Variants in CALN1 observed in about 807,000 individuals in gnomAD.
The protein encoded by CALN1 is calcium-binding protein 8.
Under a neutral mutation model 30.6 loss-of-function variants are expected in CALN1, and 17 were observed. That is an observed-to-expected ratio of 0.56 (90% CI 0.38 to 0.83). CALN1 has a LOEUF of 0.83. CALN1 is among the 40% of genes least tolerant of loss of function. The pLI is 0.00. For missense variants in CALN1, 291 were observed against 354.9 expected (o/e 0.82, Z 1.45); for synonymous variants, 156 against 131.4 (o/e 1.19, Z -1.28).
At chr7:72,058,351 A>G (rs1275245330) in intron 4 of CALN1, among the ~76,000 whole-genome samples, 1 of 111,084 alleles carries the variant, frequency 9.0e-6, no homozygotes, top group Admixed American at 1.4e-4. Flanking sequence ...GGAGTCTCGC[A>G]CTGTTGCCCA....
At chr7:71,852,215 C>G (rs552580592) in intron 5 of CALN1, among the ~76,000 whole-genome samples, 1 of 152,246 alleles carries the variant, frequency 6.6e-6, no homozygotes, top group African/African-American at 2.4e-5. Context: ...TAGTTTGTTG[C>G]TATTACGATC....
intron 4 of CALN1, among the ~76,000 whole-genome samples, chr7:72,043,865 A>C (rs1229950321): frequency 6.6e-6 from 1 of 152,236 alleles, no homozygotes; most frequent in East Asian, 1.9e-4. Context: ...TTACAGTTCC[A>C]CATGGCTGGG....
At chr7:72,192,189 T>C (rs1225064575) in intron 3 of CALN1, among the ~76,000 whole-genome samples, 2 of 152,152 alleles carry the variant, frequency 1.3e-5, no homozygotes, top group African/African-American at 2.4e-5. Flanking sequence ...CTAGGCTAGA[T>C]AGTATATGCT....
At chr7:72,181,128 T>TTGG (rs1789775529) in intron 3 of CALN1, among the ~76,000 whole-genome samples, 1 of 133,064 alleles carries the variant, frequency 7.5e-6, no homozygotes, top group Admixed American at 8.2e-5. Context: ...AAAAAAATTT[T>TTGG]TGGTACCCTA....
At chr7:72,092,442 A>G (rs890809846) in intron 4 of CALN1, among the ~76,000 whole-genome samples, 1 of 151,992 alleles carries the variant, frequency 6.6e-6, no homozygotes. Flanking sequence ...ACACACACAC[A>G]CCCACACACA....
At chr7:72,465,720 C>G in the CALN1 span, among the ~76,000 whole-genome samples, 6 of 152,130 alleles carry the variant, frequency 3.9e-5, no homozygotes, top group African/African-American at 9.7e-5. Flanking sequence ...TTGAGGTCTG[C>G]GGGTAGGAGA....
At chr7:72,278,415 G>A (rs1187712154) in intron 3 of CALN1, among the ~76,000 whole-genome samples, 1 of 150,354 alleles carries the variant, frequency 6.7e-6, no homozygotes, top group African/African-American at 2.4e-5. Flanking sequence ...TATCCCCCCA[G>A]TCACTATCCA....
At chr7:72,155,308 C>T (rs777530253) in intron 3 of CALN1, among the ~76,000 whole-genome samples, 22 of 151,760 alleles carry the variant, frequency 1.4e-4, no homozygotes, top group Non-Finnish European at 2.8e-4. Flanking sequence ...CTGGCTAACA[C>T]GGTGAAATCC....
In CALN1 at chr7:71,952,340, AC is replaced by A. The variant is rs142455043; in HGVS notation, c.501+71316del. Among the ~76,000 whole-genome samples the A allele has an allele frequency of 7.1e-3, 1,073 of 151,832 alleles. 6 individuals are homozygous for A. The highest frequency in any genetic ancestry group is 0.011 in the Non-Finnish European group (741 of 67,932). On this transcript the variant is annotated intron_variant, in intron 5 of 6. Coordinates refer to ENST00000395275, the MANE Select transcript of CALN1 (RefSeq NM_031468.4). ...AGTCATTTCTGCCTTTCCCAAGTGC[AC>A]CCCCCTCACCTCCTTGCCTGAGGAA...
At chr7:71,851,595 A>C (rs1191640670) in intron 5 of CALN1, among the ~76,000 whole-genome samples, 1 of 151,966 alleles carries the variant, frequency 6.6e-6, no homozygotes, top group Non-Finnish European at 1.5e-5. Context: ...CTAAAAGCAA[A>C]AATGCAAATT....
chr7:72,257,964 G>A (rs1486565387), intron 3 of CALN1, among the ~76,000 whole-genome samples: 1 of 152,054 alleles, frequency 6.6e-6, no homozygotes. Flanking sequence ...GGACTCGAGG[G>A]GGAAGAGTGG....
At position 72,403,304 on chromosome 7, in the gene CALN1, G is replaced by A. The variant is rs901158094; in HGVS notation, c.66C>T (p.Ala22=). Residue 22 remains alanine, a synonymous_variant, in exon 2 of 7, where the codon GCC becomes GCT. Coordinates refer to ENST00000395275, the MANE Select transcript of CALN1 (RefSeq NM_031468.4). ...TCGGCGGCTCCTCTCCCCCTCCGAG[G>A]GCTCCTCCGTCCCCCTTTTTCTCAT... ...PENEKKGDGG[A]LGGGEEPPRS... is the part of the protein sequence containing the mutation. 9.7e-6 allele frequency: 15 copies of A among 1,550,266 alleles called. No homozygotes were observed. The highest frequency in any genetic ancestry group is 2.4e-5 in the East Asian group (1 of 40,990).
chr7:72,073,334 A>G (rs1282324264), intron 4 of CALN1, among the ~76,000 whole-genome samples: 1 of 152,250 alleles, frequency 6.6e-6, no homozygotes, highest in East Asian at 1.9e-4. Context: ...AGTGATGCTT[A>G]TTAAACAATA....
intron 3 of CALN1, among the ~76,000 whole-genome samples, chr7:72,169,835 T>C (rs1050000700): frequency 1.3e-5 from 2 of 151,742 alleles, no homozygotes; most frequent in Non-Finnish European, 2.9e-5. Context: ...GGATTACAGG[T>C]GCCCAGCACC....
At chr7:72,399,378 C>T (rs1340975154) in intron 2 of CALN1, among the ~76,000 whole-genome samples, 2 of 146,226 alleles carry the variant, frequency 1.4e-5, no homozygotes, top group African/African-American at 2.6e-5. Context: ...TCAAGCGATT[C>T]TCCTGCCTCA....
At chr7:71,817,034 A>T (rs1788304842) in intron 5 of CALN1, among the ~76,000 whole-genome samples, 1 of 152,194 alleles carries the variant, frequency 6.6e-6, no homozygotes, top group African/African-American at 2.4e-5. Flanking sequence ...TATATTTAGT[A>T]TTAGGACATC....
chr7:72,017,059 G>A (rs923710448), intron 5 of CALN1, among the ~76,000 whole-genome samples: 70 of 147,884 alleles, frequency 4.7e-4, no homozygotes, highest in African/African-American at 1.6e-3. Context: ...AGCTACTTGG[G>A]AGGCTGAAGC....
At chr7:72,224,548 C>A (rs1052815279) in intron 3 of CALN1, among the ~76,000 whole-genome samples, 1 of 150,330 alleles carries the variant, frequency 6.7e-6, no homozygotes, top group African/African-American at 2.5e-5. Context: ...CTTTGGGAGG[C>A]CAAGGCAGGT....
intron 4 of CALN1, among the ~76,000 whole-genome samples, chr7:72,090,961 G>T (rs1030368901): frequency 5.3e-5 from 8 of 152,060 alleles, no homozygotes; most frequent in African/African-American, 1.9e-4. Flanking sequence ...GATGGCTAAT[G>T]GGTATAAAAA....
Sources: gnomAD v4.1 joint callset for allele counts (sites outside exome capture counted in the v4.1 genomes callset) on GRCh38, gnomAD v4.1.1 for gene constraint, MANE v1.5 for transcripts, NCBI Gene and HGNC (gene_info 2026-07-23, HGNC 2026-07-21) for gene names.